SLC7A14: variants seen among roughly 807,000 people sequenced by gnomAD.
SLC7A14 encodes the protein solute carrier family 7 member 14.
In SLC7A14, 37 loss-of-function variants were observed where a neutral mutation model predicts 60.2. The ratio of observed to expected loss-of-function variants is 0.61; its 90% confidence interval spans 0.47 to 0.81. SLC7A14 has a LOEUF of 0.81. Among genes scored for constraint, SLC7A14 ranks in the 30% least tolerant of loss-of-function variants. The pLI is 0.00. For synonymous variants in SLC7A14, 399 were observed against 395.8 expected, an observed-to-expected ratio of 1.01 and a Z score of -0.10; for missense variants, 886 against 982.7, an observed-to-expected ratio of 0.90 and a Z score of 1.32.
At chr3:170,583,312 A>T (rs919031513) in intron 1 of SLC7A14, among the ~76,000 whole-genome samples, 1 of 152,252 alleles carries the variant, frequency 6.6e-6, no homozygotes, top group Non-Finnish European at 1.5e-5. Context: ...TGGGTTAGAC[A>T]ACACTGGAAT....
Position 170,464,439 on chromosome 3 carries a change from T to C in SLC7A14, c.*2616A>G, listed in dbSNP as rs1739673475. ...TAAGAAAATAGTAATATTGTCATTG[T>C]AGTGATTGATGGTATTTGAAAACTG... On this transcript the variant is annotated 3_prime_UTR_variant, in exon 8 of 8. Transcript: ENST00000231706. The C allele has an allele frequency of 6.6e-6, 1 of 152,246 alleles. No homozygotes were observed. The highest frequency in any genetic ancestry group is 1.5e-5 in the Non-Finnish European group (1 of 68,042). The allele number at this position is 152,246 out of a possible 1,614,324, so 9.4% of individuals were successfully genotyped here.
At chr3:170,542,652 C>T (rs554811413) in intron 1 of SLC7A14, among the ~76,000 whole-genome samples, 8 of 152,356 alleles carry the variant, frequency 5.3e-5, no homozygotes, top group East Asian at 1.9e-4. Flanking sequence ...ATTTGGATTT[C>T]GTCTCACAAC....
At chr3:170,496,233 G>A in intron 4 of SLC7A14, 1 of 927,112 alleles carries the variant, frequency 1.1e-6, no homozygotes, top group Non-Finnish European at 1.8e-6. Context: ...GGCACAGTAG[G>A]AGGAGATCGC....
rs562537618 is a variant in SLC7A14 at position 170,509,569 on chromosome 3, G to A, written c.305-8224C>T. ...TCACACCTGTAATCCCAGCACTTTG[G>A]GAGGCCGAGGCAGGCAGATCACCTG... On this transcript the variant is annotated intron_variant, in intron 2 of 7. Coordinates refer to ENST00000231706, the MANE Select transcript of SLC7A14 (RefSeq NM_020949.3). 6.6e-5 allele frequency among the ~76,000 whole-genome samples: 10 copies of A among 152,308 alleles called. No individual in the cohort carries two copies. The East Asian group carries it at 1.9e-3, about 29-fold the overall frequency.
At chr3:170,506,258 G>A (rs1483843547) in intron 2 of SLC7A14, among the ~76,000 whole-genome samples, 1 of 152,196 alleles carries the variant, frequency 6.6e-6, no homozygotes, top group Non-Finnish European at 1.5e-5. Context: ...TAATAAGCCT[G>A]CAAGTCTGAC....
rs1367769062 is a variant in SLC7A14, at chr3:170,572,496, T to C, written c.-153+13415A>G. On this transcript the variant is annotated intron_variant, in intron 1 of 7. Transcript: ENST00000231706. The stretch of plus-strand genomic sequence containing the variant: ...TTATTCTTGACTTTAAGAAGAGCAC[T>C]CAATAAGTTGCTATATTGGAATCAT... 2.0e-5 allele frequency among the ~76,000 whole-genome samples: 3 copies of C among 152,242 alleles called. No homozygotes were observed. The East Asian group carries it at 5.8e-4, about 29-fold the overall frequency.
chr3:170,558,808 G>T (rs140852369), intron 1 of SLC7A14, among the ~76,000 whole-genome samples: 39 of 152,314 alleles, frequency 2.6e-4, no homozygotes, highest in Non-Finnish European at 4.1e-4. Flanking sequence ...CTCTTTTGCT[G>T]GCTATAAATG....
At chr3:170,565,795 TC>T (rs1166210359) in intron 1 of SLC7A14, among the ~76,000 whole-genome samples, 2 of 151,932 alleles carry the variant, frequency 1.3e-5, no homozygotes, top group Non-Finnish European at 2.9e-5. Context: ...AATGACCCCT[TC>T]CCTGCTATTA....
At chr3:170,503,712 T>G (rs1393948653) in intron 2 of SLC7A14, among the ~76,000 whole-genome samples, 2 of 152,236 alleles carry the variant, frequency 1.3e-5, no homozygotes, top group African/African-American at 4.8e-5. Flanking sequence ...GAGCCAATAT[T>G]TATGGAATTT....
intron 1 of SLC7A14, among the ~76,000 whole-genome samples, chr3:170,577,624 CAAAAAAAAAAA>C (rs56357954): frequency 9.6e-5 from 5 of 52,054 alleles, no homozygotes; most frequent in Admixed American, 9.6e-4. Flanking sequence ...GACTCCGTCT[CAAAAAAAAAAA>C]AAAAAAAAAA....
Position 170,526,924 on chromosome 3 carries a change from A to C in SLC7A14, c.13T>G (p.Phe5Val). 3.1e-6 allele frequency: 5 copies of C among 1,613,040 alleles called. No individual in the cohort carries two copies. The African/African-American group carries it at 4.0e-5, about 13-fold the overall frequency. Residue 5 changes from phenylalanine to valine, a missense_variant, in exon 2 of 8, where the codon TTC becomes GTC. Transcript: ENST00000231706. ...ACCCGCCGGGGGTCCAGCGAGGTGA[A>C]GAAGCCACTCATCTTGAGCGATAGG... MSGFFTSLDPRRVQW... is the reference protein window; with the variant it reads MSGFVTSLDPRRVQW...
At chr3:170,509,438 T>A (rs770198424) in intron 2 of SLC7A14, among the ~76,000 whole-genome samples, 2 of 152,120 alleles carry the variant, frequency 1.3e-5, no homozygotes, top group East Asian at 3.9e-4. Context: ...TATAAACAGG[T>A]AGGAAATAAG....
intron 4 of SLC7A14, among the ~76,000 whole-genome samples, chr3:170,493,998 T>C (rs1712304650): frequency 6.6e-6 from 1 of 152,144 alleles, no homozygotes; most frequent in African/African-American, 2.4e-5. Flanking sequence ...TCTTGGCCAA[T>C]GACAAATCTA....
chr3:170,514,996 C>T (rs1326045782), intron 2 of SLC7A14, among the ~76,000 whole-genome samples: 1 of 152,138 alleles, frequency 6.6e-6, no homozygotes, highest in Non-Finnish European at 1.5e-5. Context: ...TCAACCTTTT[C>T]CATATCACAT....
chr3:170,533,304 C>T (rs895552680), intron 1 of SLC7A14, among the ~76,000 whole-genome samples: 1 of 152,198 alleles, frequency 6.6e-6, no homozygotes, highest in South Asian at 2.1e-4. Context: ...TCAGGGTCTG[C>T]TCAGCTCTGA....
chr3:170,504,988 T>TAGAG (rs1336305378), intron 2 of SLC7A14, among the ~76,000 whole-genome samples: 3 of 152,246 alleles, frequency 2.0e-5, no homozygotes, highest in Non-Finnish European at 2.9e-5. Context: ...AATGAAGCTC[T>TAGAG]GTCTTGTATC....
intron 4 of SLC7A14, chr3:170,496,349 G>C (rs1560257893): frequency 7.6e-7 from 1 of 1,309,500 alleles, no homozygotes; most frequent in Non-Finnish European, 1.1e-6. Context: ...CAAAGACTTA[G>C]ATCTCCGAGA....
intron 1 of SLC7A14, among the ~76,000 whole-genome samples, chr3:170,576,747 T>A (rs1172322020): frequency 6.6e-6 from 1 of 152,168 alleles, no homozygotes; most frequent in East Asian, 1.9e-4. Context: ...ACAGGACATT[T>A]TTTATTCTGC....
In SLC7A14 at chr3:170,463,031, C is replaced by G. The variant is rs973919122; in HGVS notation, c.*4024G>C. 2 of 152,170 alleles carry G rather than the reference C, an allele frequency of 1.3e-5. No homozygotes were observed. Among genetic ancestry groups the G allele is most frequent in the Admixed American group, 1.3e-4 (2 of 15,280 alleles). 9.4% of individuals were successfully genotyped at this position (152,170 alleles called of 1,614,324 possible). ...ATAGGTAAGGAAGCCACCGTCTCAGCTTTCTTAAAGTTCAGCCTTCCTGGA... is the reference window on the plus strand; with the variant it reads ...ATAGGTAAGGAAGCCACCGTCTCAGGTTTCTTAAAGTTCAGCCTTCCTGGA... On this transcript the variant is annotated 3_prime_UTR_variant, in exon 8 of 8. Coordinates refer to ENST00000231706, the MANE Select transcript of SLC7A14 (RefSeq NM_020949.3).
Sources: gnomAD v4.1 joint callset for allele counts (sites outside exome capture counted in the v4.1 genomes callset) on GRCh38, gnomAD v4.1.1 for gene constraint, MANE v1.5 for transcripts, NCBI Gene and HGNC (gene_info 2026-07-23, HGNC 2026-07-21) for gene names.